Variants in MAGI2 observed in about 807,000 individuals in gnomAD.
MAGI2 encodes membrane-associated guanylate kinase, WW and PDZ domain-containing protein 2.
Under a neutral mutation model 133.3 loss-of-function variants are expected in MAGI2, and 35 were observed. The observed-to-expected ratio is 0.26, with a 90% confidence interval of 0.20 to 0.35. MAGI2 has a LOEUF of 0.35. Ranked by LOEUF, MAGI2 falls within the 10% of genes least tolerant of loss-of-function variation. MAGI2 has a pLI of 1.00. For synonymous variants in MAGI2, 729 were observed against 710.6 expected, an observed-to-expected ratio of 1.03 and a Z score of -0.41; for missense variants, 1,636 against 1,863.4, an observed-to-expected ratio of 0.88 and a Z score of 2.25.
intron 21 of MAGI2, among the ~76,000 whole-genome samples, chr7:78,068,604 C>A (rs1219530172): frequency 1.3e-5 from 2 of 152,074 alleles, no homozygotes; most frequent in Admixed American, 1.3e-4. Flanking sequence ...TCTAAAAAAT[C>A]AAGTCTTAAA....
At chr7:79,392,294 T>C (rs2129152695) in intron 1 of MAGI2, among the ~76,000 whole-genome samples, 1 of 152,338 alleles carries the variant, frequency 6.6e-6, no homozygotes, top group South Asian at 2.1e-4. Flanking sequence ...GTCTTTGCTA[T>C]TGGAGACAGT....
chr7:79,008,483 A>G (rs1264694723), intron 1 of MAGI2, among the ~76,000 whole-genome samples: 1 of 152,146 alleles, frequency 6.6e-6, no homozygotes, highest in African/African-American at 2.4e-5. Flanking sequence ...ATCATTTTCA[A>G]CTGAATTAAC....
At chr7:78,991,643 G>A (rs1562759842) in intron 2 of MAGI2, among the ~76,000 whole-genome samples, 1 of 148,846 alleles carries the variant, frequency 6.7e-6, no homozygotes, top group Non-Finnish European at 1.5e-5. Context: ...AATAGGCCAT[G>A]TGCTTGATAT....
intron 6 of MAGI2, among the ~76,000 whole-genome samples, chr7:78,488,772 G>A (rs755101666): frequency 2.0e-5 from 3 of 152,024 alleles, no homozygotes; most frequent in Non-Finnish European, 2.9e-5. Context: ...TCCCTAGCCT[G>A]TGAACAGTTA....
chr7:78,922,673 A>G (rs1202816966), intron 2 of MAGI2, among the ~76,000 whole-genome samples: 1 of 152,144 alleles, frequency 6.6e-6, no homozygotes, highest in African/African-American at 2.4e-5. Flanking sequence ...GTGTCTTTAT[A>G]GCAGCATGAT....
chr7:79,400,745 A>G (rs1845410842), intron 1 of MAGI2, among the ~76,000 whole-genome samples: 1 of 152,166 alleles, frequency 6.6e-6, no homozygotes, highest in Non-Finnish European at 1.5e-5. Context: ...TATAGTGTAC[A>G]TACTATAATT....
At chr7:78,488,258 T>C (rs7807727) in intron 6 of MAGI2, among the ~76,000 whole-genome samples, 50,346 of 151,794 alleles carry the variant, frequency 0.33, 8,900 homozygotes, top group African/African-American at 0.44. Context: ...TTAAGTCTGA[T>C]AAGCAGAGAT....
intron 6 of MAGI2, among the ~76,000 whole-genome samples, chr7:78,445,919 T>A (rs1171005740): frequency 6.6e-6 from 1 of 151,806 alleles, no homozygotes; most frequent in Non-Finnish European, 1.5e-5. Context: ...AAGCCTATAT[T>A]GTCTTTTTTA....
At chr7:78,669,253 C>T (rs1264848202) in intron 2 of MAGI2, among the ~76,000 whole-genome samples, 1 of 152,044 alleles carries the variant, frequency 6.6e-6, no homozygotes, top group Non-Finnish European at 1.5e-5. Context: ...CCACCGATCC[C>T]ACAGAAATAC....
At chr7:79,091,208 T>C (rs926855777) in intron 1 of MAGI2, among the ~76,000 whole-genome samples, 2 of 152,124 alleles carry the variant, frequency 1.3e-5, no homozygotes, top group Admixed American at 6.6e-5. Flanking sequence ...AAGCTCCTTA[T>C]GACTGAAAGT....
chr7:78,396,953 A>C (rs925189176), intron 6 of MAGI2, among the ~76,000 whole-genome samples: 5 of 152,062 alleles, frequency 3.3e-5, no homozygotes, highest in African/African-American at 1.2e-4. Flanking sequence ...TCCTAGTTGG[A>C]AATTTAGCTT....
At chr7:79,033,301 G>T (rs1223018337) in intron 1 of MAGI2, among the ~76,000 whole-genome samples, 2 of 152,082 alleles carry the variant, frequency 1.3e-5, no homozygotes, top group Non-Finnish European at 2.9e-5. Flanking sequence ...TTTCTTAAAG[G>T]TTTTACACCA....
intron 4 of MAGI2, among the ~76,000 whole-genome samples, chr7:78,516,142 G>T (rs1796024090): frequency 6.6e-6 from 1 of 152,204 alleles, no homozygotes; most frequent in African/African-American, 2.4e-5. Context: ...GAATTCAAAT[G>T]TGGGAATGGT....
At chr7:78,384,240 T>C (rs1453392919) in intron 6 of MAGI2, among the ~76,000 whole-genome samples, 1 of 152,144 alleles carries the variant, frequency 6.6e-6, no homozygotes, top group Non-Finnish European at 1.5e-5. Flanking sequence ...ATGTAACATA[T>C]TTTGTGAGAC....
chr7:78,613,876 A>G (rs1341140119), intron 3 of MAGI2, among the ~76,000 whole-genome samples: 1 of 152,124 alleles, frequency 6.6e-6, no homozygotes, highest in Non-Finnish European at 1.5e-5. Context: ...TGGGAGGCTG[A>G]GGTGGGTGGA....
Position 78,018,217 on chromosome 7 carries a change from C to T in MAGI2, c.*1098G>A, listed in dbSNP as rs1807945612. The stretch of plus-strand genomic sequence containing the variant: ...AAAGAAGGATAAGCAGAAAGGAATG[C>T]TAAAAAGACTCACGTTCTTTAATGA... On this transcript the variant is annotated 3_prime_UTR_variant, in exon 22 of 22. Coordinates refer to ENST00000354212, the MANE Select transcript of MAGI2 (RefSeq NM_012301.4). 1 of 152,456 alleles carries T rather than the reference C, an allele frequency of 6.6e-6. No homozygotes were observed. Among genetic ancestry groups the T allele is most frequent in the East Asian group, 1.9e-4 (1 of 5,198 alleles). 9.4% of individuals were successfully genotyped at this position (152,456 alleles called of 1,614,324 possible).
intron 16 of MAGI2, among the ~76,000 whole-genome samples, chr7:78,141,888 T>C (rs546133626): frequency 7.2e-5 from 11 of 152,180 alleles, no homozygotes; most frequent in Non-Finnish European, 1.0e-4. Context: ...ATTAACTAAA[T>C]GGCTGGAGAG....
intron 21 of MAGI2, among the ~76,000 whole-genome samples, chr7:78,025,629 G>T (rs1160871659): frequency 6.6e-6 from 1 of 152,192 alleles, no homozygotes; most frequent in Non-Finnish European, 1.5e-5. Context: ...AGTATAATCT[G>T]TCAAAAACAG....
chr7:79,104,738 T>A (rs1290776648), intron 1 of MAGI2, among the ~76,000 whole-genome samples: 1 of 152,052 alleles, frequency 6.6e-6, no homozygotes, highest in Non-Finnish European at 1.5e-5. Context: ...GGCTAGGGAA[T>A]AACCAAGCAG....
Sources: allele counts gnomAD v4.1 joint callset (sites outside exome capture counted in the v4.1 genomes callset), GRCh38; gene constraint gnomAD v4.1.1; transcripts MANE v1.5; gene names NCBI Gene and HGNC (gene_info 2026-07-23, HGNC 2026-07-21).